COL4A3: variants seen among roughly 807,000 people sequenced by gnomAD.
COL4A3 encodes collagen type IV alpha 3 chain.
In COL4A3, 135 loss-of-function variants were observed where a neutral mutation model predicts 217.4. That is an observed-to-expected ratio of 0.62 (90% CI 0.54 to 0.72). The LOEUF (loss-of-function observed/expected upper bound fraction) is 0.72, where lower values mean the gene tolerates loss of function less well. COL4A3 is among the 30% of genes least tolerant of loss of function. The probability of loss-of-function intolerance (pLI) is 0.00; values close to 1 mark genes in which losing one functional copy is unlikely to be tolerated. For synonymous variants in COL4A3, 690 were observed against 736.3 expected (o/e 0.94, Z 1.02); for missense variants, 1,868 against 2,119.9 (o/e 0.88, Z 2.33).
At chr2:227,178,697 T>G (rs902606491) in intron 1 of COL4A3, among the ~76,000 whole-genome samples, 1 of 151,722 alleles carries the variant, frequency 6.6e-6, no homozygotes, top group Non-Finnish European at 1.5e-5. Flanking sequence ...CACATCCAGC[T>G]AATTTTTGTT....
At position 227,185,518 on chromosome 2, in the gene COL4A3, T is replaced by C. The variant is rs2066002872; in HGVS notation, c.87+20705T>C. 2.0e-5 allele frequency among the ~76,000 whole-genome samples: 3 copies of C among 152,202 alleles called. No homozygotes were observed. The South Asian group carries it at 6.2e-4, about 31-fold the overall frequency. On this transcript the variant is annotated intron_variant, in intron 1 of 51. Coordinates refer to ENST00000396578, the MANE Select transcript of COL4A3 (RefSeq NM_000091.5). ...CTAGTCATTACTACTAAAAAAGCAA[T>C]GACAACTGTAGGTTTAAGATAGTGT...
rs542523057 is a variant in COL4A3 at position 227,293,259 on chromosome 2, T to C, written c.3279T>C (p.His1093=). The C allele has an allele frequency of 3.7e-6, 6 of 1,613,730 alleles. No homozygotes were observed. In the East Asian group the frequency reaches 1.3e-4, roughly 36 times the overall value. ...GEMGQPGPPG[H]LGPAGPEGAP... is the part of the protein sequence containing the mutation. ...TGGGGCAACCTGGCCCACCTGGACA[T>C]TTGGGGCCTGCTGGACCTGAGGGAG... is the stretch of plus-strand genomic sequence containing the variant. The change falls in exon 38 of 52, where the codon CAT becomes CAC. Residue 1093 remains histidine (H), a synonymous_variant. Transcript: ENST00000396578.
chr2:227,240,366 C>T (rs926838703), intron 3 of COL4A3, 134 bp downstream of exon 3: 36 of 834,716 alleles, frequency 4.3e-5, no homozygotes, highest in East Asian at 3.2e-4. Context: ...TCCTGGTTTC[C>T]GGTATTAGTG....
intron 23 of COL4A3, 69 bp from the exon 24 acceptor site, chr2:227,269,841 A>G: frequency 1.5e-6 from 2 of 1,308,140 alleles, no homozygotes; most frequent in East Asian, 2.3e-5. Flanking sequence ...TTCTTCATAC[A>G]TTGTATTACC....
Position 227,312,320 on chromosome 2 carries a change from G to A in COL4A3, c.*450G>A, listed in dbSNP as rs1393069955. On this transcript the variant is annotated 3_prime_UTR_variant, in exon 52 of 52. Coordinates refer to ENST00000396578, the MANE Select transcript of COL4A3 (RefSeq NM_000091.5). ...TCAGACCCTGGGTAGGGGAAGAGAAGGGGGCATGTGGTATCCTGGAGCATT... is the reference window on the plus strand; with the variant it reads ...TCAGACCCTGGGTAGGGGAAGAGAAAGGGGCATGTGGTATCCTGGAGCATT... 1.3e-5 allele frequency: 3 copies of A among 239,148 alleles called. No homozygotes were observed. The highest frequency in any genetic ancestry group is 2.5e-5 in the Non-Finnish European group (3 of 121,118). The allele number at this position is 239,148 out of a possible 1,614,324, so 14.8% of individuals were successfully genotyped here.
rs1453982069 is a variant in COL4A3, at chr2:227,253,571, G to A, written c.698G>A (p.Gly233Glu). 1 of 1,613,752 alleles carries A rather than the reference G, an allele frequency of 6.2e-7. No homozygotes were observed. The highest frequency in any genetic ancestry group is 8.5e-7 in the Non-Finnish European group (1 of 1,179,828). ...IGHKGERGVK[G>E]LTGPPGPPGT... ...TGTTTTTGTCTTTAGGGTGTGAAAG[G>A]GTTAACAGGACCCCCGGGACCACCA... Residue 233 changes from glycine (G) to glutamate (E), a missense_variant, in exon 13 of 52, where the codon GGG becomes GAG. By Grantham distance (98) the Gly-to-Glu change is moderately conservative (BLOSUM62 -2). Coordinates refer to ENST00000396578, the MANE Select transcript of COL4A3 (RefSeq NM_000091.5). The surrounding 1 kb of genome is among the most constrained non-coding windows in gnomAD (Gnocchi z 4.4).
intron 46 of COL4A3, 190 bp downstream of exon 46, chr2:227,304,334 A>G: frequency 1.5e-6 from 1 of 672,668 alleles, no homozygotes; most frequent in South Asian, 1.8e-5. Context: ...AATCTATTGA[A>G]AGCAGTTGTT....
chr2:227,245,190 A>G (rs1390949314), intron 5 of COL4A3, among the ~76,000 whole-genome samples, 195 bp downstream of exon 5: 2 of 152,160 alleles, frequency 1.3e-5, no homozygotes, highest in African/African-American at 4.8e-5. Flanking sequence ...CTGAAATACA[A>G]GCAGGACAGG....
intron 25 of COL4A3, 35 bp downstream of exon 25, chr2:227,270,987 G>T (rs1378199046): frequency 6.3e-7 from 1 of 1,598,162 alleles, no homozygotes. Context: ...CCCTATAAAT[G>T]AAGTACTCTG....
rs762108915 is a variant in COL4A3, at chr2:227,253,606, A to G, written c.733A>G (p.Ile245Val). The G allele has an allele frequency of 6.2e-7, 1 of 1,613,998 alleles. No homozygotes were observed. Among genetic ancestry groups the G allele is most frequent in the Non-Finnish European group, 8.5e-7 (1 of 1,179,986 alleles). Residue 245 changes from isoleucine to valine, a missense_variant, in exon 13 of 52, where the codon ATT becomes GTT. Transcript: ENST00000396578. This position sits in a 1 kb window ranked among gnomAD's most constrained non-coding sequence, Gnocchi z 4.4. ...TGPPGPPGTV[I>V]VTLTGPDNRT... ...ACCCCCGGGACCACCAGGAACAGTT[A>G]TTGTGACCCTAACTGGCCCAGATAA... is the stretch of plus-strand genomic sequence containing the variant.
intron 1 of COL4A3, among the ~76,000 whole-genome samples, chr2:227,183,293 G>A (rs1296203139): frequency 1.3e-5 from 2 of 152,102 alleles, no homozygotes; most frequent in African/African-American, 4.8e-5. Context: ...TCTCATTCTG[G>A]GGCCTCCAGG....
intron 28 of COL4A3, 120 bp from the exon 29 acceptor site, chr2:227,279,673 T>G: frequency 1.4e-6 from 1 of 697,038 alleles, no homozygotes; most frequent in Non-Finnish European, 2.4e-6. Flanking sequence ...TCAGTTGGTT[T>G]TATTATCATT....
At position 227,309,094 on chromosome 2, in the gene COL4A3, T is replaced by G; in HGVS notation, c.4640+18T>G. ...ATAAGCAGGTAAAAATCCAATCCCC[T>G]AGTTTTACAATGGGACCAAGTGAAT... is the stretch of plus-strand genomic sequence containing the variant. On this transcript the variant is annotated intron_variant, in intron 49 of 51. Coordinates refer to ENST00000396578, the MANE Select transcript of COL4A3 (RefSeq NM_000091.5). 1 of 1,613,858 alleles carries G rather than the reference T, an allele frequency of 6.2e-7. No individual in the cohort carries two copies. Among genetic ancestry groups the G allele is most frequent in the Non-Finnish European group, 8.5e-7 (1 of 1,179,736 alleles).
chr2:227,268,780 A>G (rs2071071429), intron 23 of COL4A3: 1 of 152,250 alleles, frequency 6.6e-6, no homozygotes, highest in Non-Finnish European at 1.5e-5. Context: ...CTATTAAAAC[A>G]AAAACCAAAA....
intron 23 of COL4A3, among the ~76,000 whole-genome samples, chr2:227,269,662 G>GA (rs1242562532): frequency 1.3e-5 from 2 of 151,826 alleles, no homozygotes; most frequent in Non-Finnish European, 1.5e-5. Context: ...TATATACTCA[G>GA]AAAAAATAAA....
At chr2:227,244,425 A>T in intron 4 of COL4A3, 61 bp downstream of exon 4, 1 of 1,489,698 alleles carries the variant, frequency 6.7e-7, no homozygotes, top group Non-Finnish European at 9.4e-7. Context: ...AGTAAGAGTT[A>T]TACAAATGTC....
At chr2:227,266,859 G>A (rs910022794) in intron 22 of COL4A3, 134 bp from the exon 23 acceptor site, 3 of 711,792 alleles carry the variant, frequency 4.2e-6, no homozygotes, top group African/African-American at 3.5e-5. Context: ...AAATTAATAT[G>A]TATAACGTCC....
At chr2:227,233,590 T>C (rs745411444) in intron 1 of COL4A3, among the ~76,000 whole-genome samples, 14 of 152,254 alleles carry the variant, frequency 9.2e-5, no homozygotes, top group Admixed American at 3.3e-4. Context: ...ATATAGAAAT[T>C]CTACCTTAAT....
rs559703982 is a variant in COL4A3, at chr2:227,208,841, A to G, written c.88-29127A>G. 1.7e-4 allele frequency among the ~76,000 whole-genome samples: 26 copies of G among 150,200 alleles called. 1 individual carries two copies. Among genetic ancestry groups the G allele is most frequent in the African/African-American group, 5.4e-4 (22 of 40,756 alleles). On this transcript the variant is annotated intron_variant, in intron 1 of 51. Transcript: ENST00000396578. Reference sequence around the variant, plus strand: ...AAGGAGGTAAGTACAAAGTTCTAGAAAGAGGAGCAAAAAACAAAGAAAGAG... The same window carrying G: ...AAGGAGGTAAGTACAAAGTTCTAGAGAGAGGAGCAAAAAACAAAGAAAGAG...
Sources: allele counts gnomAD v4.1 joint callset (sites outside exome capture counted in the v4.1 genomes callset), GRCh38; gene constraint gnomAD v4.1.1; non-coding constraint Gnocchi (gnomAD v3.1); transcripts MANE v1.5; gene names NCBI Gene and HGNC (gene_info 2026-07-23, HGNC 2026-07-21).